TANC2: variants seen among roughly 807,000 people sequenced by gnomAD.
TANC2 encodes the protein tetratricopeptide repeat, ankyrin repeat and coiled-coil containing 2, also known as protein TANC2.
In TANC2, 26 loss-of-function variants were observed where a neutral mutation model predicts 210.5. The ratio of observed to expected loss-of-function variants is 0.12; its 90% CI spans 0.09 to 0.17. TANC2 has a LOEUF of 0.17. Among genes scored for constraint, TANC2 ranks in the 10% least tolerant of loss-of-function variants. The pLI is 1.00. For synonymous variants in TANC2, 931 were observed against 967.1 expected, an observed-to-expected ratio of 0.96 and a Z score of 0.69; for missense variants, 2,129 against 2,608.9, an observed-to-expected ratio of 0.82 and a Z score of 4.01.
chr17:63,149,903 A>C (rs2039589966), intron 4 of TANC2: 1 of 152,174 alleles, frequency 6.6e-6, no homozygotes, highest in Admixed American at 6.5e-5. Flanking sequence ...GGAGACAGTA[A>C]CAGGCTTTAT....
At chr17:63,209,965 T>C (rs551535607) in intron 7 of TANC2, among the ~76,000 whole-genome samples, 26 of 152,362 alleles carry the variant, frequency 1.7e-4, no homozygotes, top group African/African-American at 6.0e-4. Context: ...AATGTTAACC[T>C]GATTTTGCAT....
At chr17:63,349,839 AG>A (rs887238216) in intron 12 of TANC2, among the ~76,000 whole-genome samples, 85 of 152,190 alleles carry the variant, frequency 5.6e-4, no homozygotes, top group African/African-American at 2.0e-3. Flanking sequence ...GTTAGTTCCA[AG>A]CAACTCCTCT....
intron 8 of TANC2, among the ~76,000 whole-genome samples, chr17:63,238,896 T>G (rs1268157723): frequency 4.6e-5 from 7 of 152,094 alleles, no homozygotes; most frequent in African/African-American, 7.2e-5. Context: ...TAATGAGAAC[T>G]ACCTCACTAT....
At chr17:63,314,285 A>C in intron 9 of TANC2, 103 bp from the exon 10 acceptor site, 2 of 1,282,294 alleles carry the variant, frequency 1.6e-6, no homozygotes, top group South Asian at 2.9e-5. Flanking sequence ...GGATGCCATC[A>C]TATGATAACT....
At chr17:63,099,461 C>A in intron 4 of TANC2, 104 bp downstream of exon 4, 1 of 782,620 alleles carries the variant, frequency 1.3e-6, no homozygotes, top group Non-Finnish European at 1.8e-6. Context: ...TTTTTCCTCT[C>A]TGGCCTTCCT....
At chr17:63,385,894 G>A (rs778553852) in intron 15 of TANC2, among the ~76,000 whole-genome samples, 1 of 152,196 alleles carries the variant, frequency 6.6e-6, no homozygotes, top group African/African-American at 2.4e-5. Context: ...GTGTTTCTGG[G>A]CACCCAAAGG....
chr17:63,033,374 C>T (rs2034849541), intron 2 of TANC2, among the ~76,000 whole-genome samples: 1 of 152,140 alleles, frequency 6.6e-6, no homozygotes, highest in Non-Finnish European at 1.5e-5. Flanking sequence ...GGGCTTTCAG[C>T]CACCAGTAAT....
At chr17:63,113,794 C>T (rs2038145800) in intron 4 of TANC2, among the ~76,000 whole-genome samples, 1 of 152,164 alleles carries the variant, frequency 6.6e-6, no homozygotes, top group South Asian at 2.1e-4. Flanking sequence ...AGGTGTGAAC[C>T]ACTGTGCCCA....
intron 2 of TANC2, among the ~76,000 whole-genome samples, chr17:63,061,405 A>G (rs1376430166): frequency 3.3e-5 from 5 of 152,104 alleles, no homozygotes; most frequent in African/African-American, 4.8e-5. Context: ...AAAAGATTAC[A>G]TGATAGTTTT....
In TANC2 at chr17:63,199,322, T is replaced by C. The variant is rs2041451876; in HGVS notation, c.583-1449T>C. Among the ~76,000 whole-genome samples, 4 of 152,120 alleles carry C rather than the reference T, an allele frequency of 2.6e-5. No homozygotes were observed. The South Asian group carries it at 8.3e-4, about 32-fold the overall frequency. ...TTTTGCTGCTGATCACTTAATAATT[T>C]TAAAAACGATAAAATGTTGGCCGGG... On this transcript the variant is annotated intron_variant, in intron 6 of 27. Transcript: ENST00000689528.
At chr17:63,381,309 A>G (rs1009645456) in intron 15 of TANC2, 2 of 152,194 alleles carry the variant, frequency 1.3e-5, no homozygotes, top group Non-Finnish European at 2.9e-5. Context: ...GACTGGCTCC[A>G]TGTGTGATTC....
chr17:62,991,982 A>G (rs754879995), intron 1 of TANC2, among the ~76,000 whole-genome samples: 1 of 152,170 alleles, frequency 6.6e-6, no homozygotes, highest in Non-Finnish European at 1.5e-5. Flanking sequence ...TCTGCCAACC[A>G]TGGATCAAAA....
In TANC2 at chr17:63,418,921, C is replaced by CCA. The variant is rs1196318058; in HGVS notation, c.4268+525_4268+526dup. Among the ~76,000 whole-genome samples, 2 of 151,942 alleles carry CCA rather than the reference C, an allele frequency of 1.3e-5. No homozygotes were observed. Among genetic ancestry groups the CCA allele is most frequent in the African/African-American group, 2.4e-5 (1 of 41,354 alleles). On this transcript the variant is annotated intron_variant, in intron 27 of 27. Coordinates refer to ENST00000689528, the Ensembl canonical transcript of TANC2. The surrounding 1 kb of genome is among the most constrained non-coding windows in gnomAD (Gnocchi z 4.6). ...CCCCTTCCACCTAAACCATCACCCACCACACACACACAGAGTCAAGAGGTC... is the reference window on the plus strand; with the variant it reads ...CCCCTTCCACCTAAACCATCACCCACCACACACACACACAGAGTCAAGAGGTC...
At chr17:63,042,714 A>G (rs1461036747) in intron 2 of TANC2, among the ~76,000 whole-genome samples, 1 of 152,136 alleles carries the variant, frequency 6.6e-6, no homozygotes, top group African/African-American at 2.4e-5. Flanking sequence ...TTGTAATTTT[A>G]AGACCTAAGT....
intron 21 of TANC2, among the ~76,000 whole-genome samples, chr17:63,410,338 C>G: frequency 1.5e-5 from 1 of 68,120 alleles, no homozygotes; most frequent in Non-Finnish European, 3.3e-5. Context: ...TCTCTCCAAT[C>G]CCCCCCCCCC....
chr17:63,170,731 G>A (rs150199092), intron 5 of TANC2, among the ~76,000 whole-genome samples: 7 of 152,204 alleles, frequency 4.6e-5, no homozygotes, highest in African/African-American at 9.6e-5. Flanking sequence ...TTCTGAAATC[G>A]AAATGGTATT....
intron 15 of TANC2, 132 bp downstream of exon 15, chr17:63,379,958 A>G (rs954828232): frequency 7.4e-6 from 5 of 672,756 alleles, no homozygotes; most frequent in African/African-American, 1.8e-5. Flanking sequence ...ATCTCCCAAC[A>G]CGTATGGCCT....
chr17:63,307,202 G>C (rs181014998), intron 9 of TANC2, among the ~76,000 whole-genome samples: 1 of 152,138 alleles, frequency 6.6e-6, no homozygotes, highest in Non-Finnish European at 1.5e-5. Flanking sequence ...AGGGTTTTGC[G>C]TAGGGGAGTG....
At chr17:63,086,229 G>C (rs1318128968) in intron 3 of TANC2, among the ~76,000 whole-genome samples, 1 of 152,020 alleles carries the variant, frequency 6.6e-6, no homozygotes, top group African/African-American at 2.4e-5. Flanking sequence ...CATTTATCCT[G>C]CTGGGAGTAC....
Sources: allele counts gnomAD v4.1 joint callset (sites outside exome capture counted in the v4.1 genomes callset), GRCh38; gene constraint gnomAD v4.1.1; non-coding constraint Gnocchi (gnomAD v3.1); transcripts MANE v1.5; gene names NCBI Gene and HGNC (gene_info 2026-07-23, HGNC 2026-07-21).